The following LEAP2 variants were observed in gnomAD, a reference collection of about 807,000 sequenced individuals.
LEAP2 encodes liver-expressed antimicrobial peptide 2.
LEAP2 carries 13 observed loss-of-function variants against 9.3 expected under a neutral mutation model. The observed-to-expected ratio is 1.39, with a 90% CI of 0.91 to 2.21. The LOEUF (loss-of-function observed/expected upper bound fraction) is 2.21, where lower values mean the gene tolerates loss of function less well. Among genes scored for constraint, LEAP2 ranks in the 30% most tolerant of loss-of-function variants. LEAP2 has a pLI of 0.00. For synonymous variants in LEAP2, 34 were observed against 34.9 expected, an observed-to-expected ratio of 0.98 and a Z score of 0.09; for missense variants, 98 against 94.0, an observed-to-expected ratio of 1.04 and a Z score of -0.17.
At chr5:132,873,847 CTCTGT>C (rs1353628422) in intron 1 of LEAP2, 96 bp downstream of exon 1, 15 of 1,584,926 alleles carry the variant, frequency 9.5e-6, no homozygotes, top group South Asian at 1.1e-5. Flanking sequence ...GGAATGGTTC[CTCTGT>C]TCTGAGTCTA....
intron 1 of LEAP2, 84 bp downstream of exon 1, chr5:132,873,835 G>C: frequency 6.3e-7 from 1 of 1,578,342 alleles, no homozygotes; most frequent in South Asian, 1.1e-5. Context: ...ATTCAGTCCT[G>C]AGGAATGGTT....
Position 132,874,057 on chromosome 5 carries a change from G to A in LEAP2, c.165G>A (p.Arg55=), listed in dbSNP as rs1398906568. ...TCAGGCCTATTGGAGCCTCCTGCCG[G>A]GATGATTCTGAGTGTATCACAAGGC... The part of the protein sequence containing the change: ...VSLRPIGASC[R]DDSECITRLC... Residue 55 remains arginine, a synonymous_variant, in exon 2 of 3, where the codon CGG becomes CGA. Transcript: ENST00000296877. 6.2e-7 allele frequency: 1 copy of A among 1,614,000 alleles called. No individual in the cohort carries two copies. Among genetic ancestry groups the A allele is most frequent in the Admixed American group, 1.7e-5 (1 of 60,012 alleles).
intron 1 of LEAP2, 26 bp from the exon 2 acceptor site, chr5:132,873,924 A>G (rs1449554419): frequency 3.1e-6 from 5 of 1,612,826 alleles, no homozygotes; most frequent in South Asian, 2.2e-5. Flanking sequence ...CAACACTTTC[A>G]TATCTGAATG....
chr5:132,873,943 C>T lies in LEAP2; in HGVS notation c.58-7C>T. Reference sequence around the variant, plus strand: ...ACTTTCATATCTGAATGTCTTTGCCCTTACAGATAGATGGCTCCCCAATAC... The same window carrying T: ...ACTTTCATATCTGAATGTCTTTGCCTTTACAGATAGATGGCTCCCCAATAC... On this transcript the variant is annotated splice_region_variant and splice_polypyrimidine_tract_variant and intron_variant, in intron 1 of 2. Coordinates refer to ENST00000296877, the MANE Select transcript of LEAP2 (RefSeq NM_052971.3). The T allele has an allele frequency of 6.2e-7, 1 of 1,613,924 alleles. No individual in the cohort carries two copies. Among genetic ancestry groups the T allele is most frequent in the Non-Finnish European group, 8.5e-7 (1 of 1,179,856 alleles).
chr5:132,873,953 G>T lies in LEAP2; in HGVS notation c.61G>T (p.Asp21Tyr), dbSNP rs1349536544. ...MIFLLLLGQI[D>Y]GSPIPEVSSA... ...CTGAATGTCTTTGCCCTTACAGATA[G>T]ATGGCTCCCCAATACCAGAAGTGAG... Residue 21 changes from aspartate to tyrosine, a missense_variant, in exon 2 of 3, where the codon GAT (aspartate) becomes TAT (tyrosine). By Grantham distance (160) the Asp-to-Tyr change is radical. Transcript: ENST00000296877. 1.2e-6 allele frequency: 2 copies of T among 1,614,122 alleles called. No individual in the cohort carries two copies. Among genetic ancestry groups the T allele is most frequent in the African/African-American group, 2.7e-5 (2 of 75,054 alleles).
rs941032797 is a variant in LEAP2 at position 132,874,682 on chromosome 5, A to T, written c.*236A>T. ...GTTTATTTTTCTATGGATACTATTA[A>T]ATGTCTCAAATTGAAATTTTAGCAG... On this transcript the variant is annotated 3_prime_UTR_variant, in exon 3 of 3. Coordinates refer to ENST00000296877, the MANE Select transcript of LEAP2 (RefSeq NM_052971.3). 1.7e-6 allele frequency: 1 copy of T among 595,804 alleles called. No individual in the cohort carries two copies. The highest frequency in any genetic ancestry group is 3.0e-6 in the Non-Finnish European group (1 of 333,992). The allele number at this position is 595,804 out of a possible 1,614,324, so 36.9% of individuals were successfully genotyped here.
chr5:132,873,751 G>C lies in LEAP2; in HGVS notation c.57G>C (p.Gln19His), dbSNP rs1278540568. The C allele has an allele frequency of 1.2e-6, 2 of 1,613,336 alleles. No homozygotes were observed. The highest frequency in any genetic ancestry group is 2.2e-5 in the South Asian group (2 of 91,058). ...TGATCTTCCTGTTGCTGTTGGGCCA[G>C]GTAAGGAGGGAAGGATACTTATGTG... ...VLMIFLLLLG[Q>H]IDGSPIPEVS... The change falls in exon 1 of 3, where the codon CAG becomes CAC. Residue 19 changes from glutamine (Q) to histidine (H), a missense_variant and splice_region_variant. Gln to His is a conservative substitution (Grantham distance 24, BLOSUM62 0). Transcript: ENST00000296877.
Position 132,874,740 on chromosome 5 carries a change from T to C in LEAP2, c.*294T>C, listed in dbSNP as rs929450855. The stretch of plus-strand genomic sequence containing the variant: ...TTCAAGCTTTTGAGGGAAAGAAGGA[T>C]TCATTTTGTATACTAAAGAAAAAAA... On this transcript the variant is annotated 3_prime_UTR_variant, in exon 3 of 3. Transcript: ENST00000296877. 2 of 535,630 alleles carry C rather than the reference T, an allele frequency of 3.7e-6. No individual in the cohort carries two copies. The highest frequency in any genetic ancestry group is 6.7e-6 in the Non-Finnish European group (2 of 298,702). The allele number at this position is 535,630 out of a possible 1,614,324, so 33.2% of individuals were successfully genotyped here.
chr5:132,874,496 G>T lies in LEAP2; in HGVS notation c.*50G>T. On this transcript the variant is annotated 3_prime_UTR_variant, in exon 3 of 3. Transcript: ENST00000296877. ...CAGCAGTCACCTCCGACAATGCTCC[G>T]TTCTATGGAATATTGATTAACTGCA... 6.7e-7 allele frequency: 1 copy of T among 1,500,582 alleles called. No individual in the cohort carries two copies. The highest frequency in any genetic ancestry group is 9.3e-7 in the Non-Finnish European group (1 of 1,076,982). 93.0% of individuals were successfully genotyped at this position (1,500,582 alleles called of 1,614,324 possible).
rs373393327 is a variant in LEAP2, at chr5:132,875,030, C to CGAA, written c.*584_*585insGAA. 3.7e-5 allele frequency: 3 copies of CGAA among 80,396 alleles called. No homozygotes were observed. The highest frequency in any genetic ancestry group is 6.7e-5 in the Non-Finnish European group (3 of 44,878). 5.0% of individuals were successfully genotyped at this position (80,396 alleles called of 1,614,324 possible). ...TGGGTGACATAGAGAGACTCTGTCT[C>CGAA]AAAAAAAAAAAAAAAAAAAAAAGAT... On this transcript the variant is annotated 3_prime_UTR_variant, in exon 3 of 3. Transcript: ENST00000296877.
Position 132,874,570 on chromosome 5 carries a change from A to G in LEAP2, c.*124A>G, listed in dbSNP as rs148298852. On this transcript the variant is annotated 3_prime_UTR_variant, in exon 3 of 3. Coordinates refer to ENST00000296877, the MANE Select transcript of LEAP2 (RefSeq NM_052971.3). ...AAGCAATCTTGTATTTTTAATATTTAAAGGCAGATGTACGCTTTAAATTGG... is the reference window on the plus strand; with the variant it reads ...AAGCAATCTTGTATTTTTAATATTTGAAGGCAGATGTACGCTTTAAATTGG... 194 of 838,208 alleles carry G rather than the reference A, an allele frequency of 2.3e-4. 2 individuals carry two copies. The East Asian group carries it at 4.9e-3, about 21-fold the overall frequency. 51.9% of individuals were successfully genotyped at this position (838,208 alleles called of 1,614,324 possible). A position where few individuals can be genotyped will look rare whatever the true frequency, so the allele number is the denominator to read the frequency against.
In LEAP2 at chr5:132,874,099, G is replaced by C. The variant is rs755913356; in HGVS notation, c.197+10G>C. ...TCACAAGGCTATGCAGGTACTCCCT[G>C]AACCTGGGAGCAGGGTTGGGCCAGA... On this transcript the variant is annotated intron_variant, in intron 2 of 2. Transcript: ENST00000296877. The C allele has an allele frequency of 2.4e-5, 39 of 1,608,842 alleles. No homozygotes were observed. Among genetic ancestry groups the C allele is most frequent in the Middle Eastern group, 3.5e-4 (2 of 5,696 alleles).
chr5:132,874,375 C>T (rs780302170), intron 2 of LEAP2, 35 bp from the exon 3 acceptor site: 4 of 1,592,428 alleles, frequency 2.5e-6, no homozygotes, highest in Non-Finnish European at 3.4e-6. Flanking sequence ...ATTCCTAGAC[C>T]CAGTCTTAAA....
In LEAP2 at chr5:132,874,464, G is replaced by GA. The variant is rs752738018; in HGVS notation, c.*21dup. The GA allele has an allele frequency of 7.5e-6, 12 of 1,610,612 alleles. No homozygotes were observed. Among genetic ancestry groups the GA allele is most frequent in the Non-Finnish European group, 1.0e-5 (12 of 1,176,836 alleles). ...AGGAATGATGTACATACCAGGGAAA[G>GA]AAAGGACAGCAGTCACCTCCGACAA... On this transcript the variant is annotated 3_prime_UTR_variant, in exon 3 of 3. Coordinates refer to ENST00000296877, the MANE Select transcript of LEAP2 (RefSeq NM_052971.3).
intron 2 of LEAP2, 67 bp from the exon 3 acceptor site, chr5:132,874,343 T>C: frequency 7.4e-7 from 1 of 1,345,112 alleles, no homozygotes. Context: ...AGGAAGGAAA[T>C]GCAGCATAGG....
rs1405135835 is a variant in LEAP2 at position 132,874,506 on chromosome 5, A to G, written c.*60A>G. 10 of 1,451,550 alleles carry G rather than the reference A, an allele frequency of 6.9e-6. No individual in the cohort carries two copies. The highest frequency in any genetic ancestry group is 9.7e-6 in the Non-Finnish European group (10 of 1,032,364). 89.9% of individuals were successfully genotyped at this position (1,451,550 alleles called of 1,614,324 possible). A position where few individuals can be genotyped will look rare whatever the true frequency, so the allele number is the denominator to read the frequency against. On this transcript the variant is annotated 3_prime_UTR_variant, in exon 3 of 3. Coordinates refer to ENST00000296877, the MANE Select transcript of LEAP2 (RefSeq NM_052971.3). ...CTCCGACAATGCTCCGTTCTATGGA[A>G]TATTGATTAACTGCATTTTGGCTGG...
rs1759795862 is a variant in LEAP2 at position 132,874,786 on chromosome 5, T to G, written c.*340T>G. 2.4e-6 allele frequency: 1 copy of G among 410,568 alleles called. No individual in the cohort carries two copies. The highest frequency in any genetic ancestry group is 4.6e-6 in the Non-Finnish European group (1 of 219,134). 25.4% of individuals were successfully genotyped at this position (410,568 alleles called of 1,614,324 possible). On this transcript the variant is annotated 3_prime_UTR_variant, in exon 3 of 3. Coordinates refer to ENST00000296877, the MANE Select transcript of LEAP2 (RefSeq NM_052971.3). The stretch of plus-strand genomic sequence containing the variant: ...AAAAACAGCATTGCCCAATAATGTG[T>G]TAACTTCTCAATCTGGAAAGTGTAG...
At position 132,874,075 on chromosome 5, in the gene LEAP2, C is replaced by A. The variant is rs746242594; in HGVS notation, c.183C>A (p.Ile61=). The A allele has an allele frequency of 3.1e-6, 5 of 1,613,562 alleles. No individual in the cohort carries two copies. The highest frequency in any genetic ancestry group is 1.7e-5 in the Admixed American group (1 of 59,984). ...CCTGCCGGGATGATTCTGAGTGTAT[C>A]ACAAGGCTATGCAGGTACTCCCTGA... ...GASCRDDSEC[I]TRLCRKRRCS... is the part of the protein sequence containing the mutation. Residue 61 remains isoleucine (I), a synonymous_variant, in exon 2 of 3, where the codon ATC becomes ATA. Transcript: ENST00000296877.
intron 2 of LEAP2, 138 bp from the exon 3 acceptor site, chr5:132,874,272 A>T: frequency 1.0e-6 from 1 of 974,104 alleles, no homozygotes; most frequent in Admixed American, 1.9e-5. Context: ...TGTGGGTACC[A>T]TGAAAGAGTG....
Sources: gnomAD v4.1 joint callset for allele counts on GRCh38, gnomAD v4.1.1 for gene constraint, MANE v1.5 for transcripts, NCBI Gene and HGNC (gene_info 2026-07-23, HGNC 2026-07-21) for gene names.